REEP1: variants seen among roughly 807,000 people sequenced by gnomAD.
REEP1 encodes the protein receptor expression-enhancing protein 1.
A neutral mutation model predicts 40.3 loss-of-function variants in REEP1; 22 were observed. The ratio of observed to expected loss-of-function variants is 0.55; its 90% CI spans 0.39 to 0.78. The LOEUF (loss-of-function observed/expected upper bound fraction) is 0.78, where lower values mean the gene tolerates loss of function less well. Among genes scored for constraint, REEP1 ranks in the 30% least tolerant of loss-of-function variants. The pLI is 0.00. For synonymous variants in REEP1, 116 were observed against 139.2 expected (o/e 0.83, Z 1.17); for missense variants, 280 against 361.1 (o/e 0.78, Z 1.82).
intron 1 of REEP1, among the ~76,000 whole-genome samples, chr2:86,332,546 C>G (rs988547425): frequency 1.3e-5 from 2 of 151,914 alleles, no homozygotes; most frequent in Non-Finnish European, 2.9e-5. Context: ...CCTGAGTCCC[C>G]CTTCCCTCAT....
intron 2 of REEP1, among the ~76,000 whole-genome samples, chr2:86,268,562 G>C (rs368537062): frequency 1.1e-3 from 166 of 152,236 alleles, no homozygotes; most frequent in Middle Eastern, 6.8e-3. Flanking sequence ...TTCCCAACTT[G>C]ATCTATAGAT....
chr2:86,292,271 A>C (rs999190566), intron 1 of REEP1, among the ~76,000 whole-genome samples: 4 of 152,160 alleles, frequency 2.6e-5, no homozygotes, highest in Non-Finnish European at 4.4e-5. Flanking sequence ...TACCAGAGAC[A>C]CTCTAGATGA....
At chr2:86,335,345 A>G (rs1573075967) in intron 1 of REEP1, among the ~76,000 whole-genome samples, 1 of 147,472 alleles carries the variant, frequency 6.8e-6, no homozygotes, top group Admixed American at 6.6e-5. Context: ...GGACTGGGGG[A>G]TAAGTGGTAT....
chr2:86,215,023 C>CTTTTTTTT lies in REEP1; in HGVS notation c.*2008_*2015dup, dbSNP rs11350708. On this transcript the variant is annotated 3_prime_UTR_variant, in exon 9 of 9. Transcript: ENST00000538924. ...AAAAATTGCTAAGAAGCTGTGTAAG[C>CTTTTTTTT]TTTTTTTTTTTTTTTTTTTTTTTGC... 14 of 59,572 alleles carry CTTTTTTTT rather than the reference C, an allele frequency of 2.4e-4. No homozygotes were observed. Among genetic ancestry groups the CTTTTTTTT allele is most frequent in the South Asian group, 9.6e-4 (1 of 1,040 alleles). 3.7% of individuals were successfully genotyped at this position (59,572 alleles called of 1,614,324 possible).
chr2:86,273,423 A>G (rs551663060), intron 2 of REEP1, among the ~76,000 whole-genome samples: 1 of 151,896 alleles, frequency 6.6e-6, no homozygotes. Flanking sequence ...AGCTGGGACT[A>G]TAGGTGCATG....
At chr2:86,309,847 A>G (rs1169274806) in intron 1 of REEP1, among the ~76,000 whole-genome samples, 1 of 152,162 alleles carries the variant, frequency 6.6e-6, no homozygotes, top group African/African-American at 2.4e-5. Context: ...ACTTCAAAAT[A>G]CGAATTTGGG....
chr2:86,231,752 C>A (rs184461763), intron 6 of REEP1, among the ~76,000 whole-genome samples: 15 of 152,090 alleles, frequency 9.9e-5, no homozygotes, highest in Non-Finnish European at 1.3e-4. Flanking sequence ...GCCCCTGAGA[C>A]CCAAGGCCCC....
chr2:86,300,179 T>G (rs1679191748), intron 1 of REEP1, among the ~76,000 whole-genome samples: 1 of 152,220 alleles, frequency 6.6e-6, no homozygotes, highest in African/African-American at 2.4e-5. Flanking sequence ...CTCTTTGTTT[T>G]ACTGACTTAA....
intron 3 of REEP1, among the ~76,000 whole-genome samples, chr2:86,257,197 A>G (rs1353902702): frequency 6.6e-6 from 1 of 152,202 alleles, no homozygotes; most frequent in Admixed American, 6.5e-5. Context: ...ACAAGTATTC[A>G]CCAGCCCCAA....
intron 2 of REEP1, among the ~76,000 whole-genome samples, chr2:86,276,276 T>C (rs1033025495): frequency 6.6e-6 from 1 of 152,230 alleles, no homozygotes; most frequent in Non-Finnish European, 1.5e-5. Context: ...GGAAGCAGGT[T>C]CATTCCACCA....
At chr2:86,295,710 T>C (rs2104442190) in intron 1 of REEP1, among the ~76,000 whole-genome samples, 2 of 152,100 alleles carry the variant, frequency 1.3e-5, no homozygotes, top group Middle Eastern at 6.8e-3. Context: ...CAGCTAATTT[T>C]TTGTGTTTTT....
chr2:86,244,323 T>C (rs965030815), intron 5 of REEP1, among the ~76,000 whole-genome samples: 17 of 152,268 alleles, frequency 1.1e-4, no homozygotes, highest in African/African-American at 4.1e-4. Flanking sequence ...CTTTTTTTTT[T>C]CTATTGTGCT....
chr2:86,268,234 C>T lies in REEP1; in HGVS notation c.106-4193G>A, dbSNP rs553905362. ...TCCTCATAGATGGTGTAACTGTCTA[C>T]GTAGAAAATCCCAAGGAACTCACCA... On this transcript the variant is annotated intron_variant, in intron 2 of 8. Coordinates refer to ENST00000538924, the MANE Select transcript of REEP1 (RefSeq NM_001371279.1). Among the ~76,000 whole-genome samples, 40 of 152,096 alleles carry T rather than the reference C, an allele frequency of 2.6e-4. No homozygotes were observed. In the South Asian group the frequency reaches 6.6e-3, roughly 25 times the overall value.
intron 1 of REEP1, among the ~76,000 whole-genome samples, chr2:86,309,017 T>G (rs549692723): frequency 6.6e-6 from 1 of 152,318 alleles, no homozygotes; most frequent in East Asian, 1.9e-4. Flanking sequence ...CACACTGTCA[T>G]GAATTTGTTT....
intron 5 of REEP1, among the ~76,000 whole-genome samples, chr2:86,237,518 CTGTTGT>C (rs920844163): frequency 2.6e-5 from 4 of 151,600 alleles, no homozygotes; most frequent in Non-Finnish European, 5.9e-5. Context: ...TTTGTTTTTT[CTGTTGT>C]TGTTGTTGTT....
At chr2:86,299,426 G>C (rs1373930385) in intron 1 of REEP1, among the ~76,000 whole-genome samples, 1 of 152,166 alleles carries the variant, frequency 6.6e-6, no homozygotes. Context: ...TCCTCTCAGA[G>C]CAAAACAGCC....
At chr2:86,234,509 C>T (rs1486912955) in intron 5 of REEP1, among the ~76,000 whole-genome samples, 2 of 151,908 alleles carry the variant, frequency 1.3e-5, no homozygotes, top group Non-Finnish European at 2.9e-5. Flanking sequence ...CAGAGTGAGG[C>T]CCTGTCTCAA....
At chr2:86,237,137 C>T (rs1008851696) in intron 5 of REEP1, among the ~76,000 whole-genome samples, 32 of 152,232 alleles carry the variant, frequency 2.1e-4, no homozygotes, top group African/African-American at 6.0e-4. Context: ...CATAGATATA[C>T]TTGGTTGTTA....
At chr2:86,266,792 G>A (rs1677165728) in intron 2 of REEP1, among the ~76,000 whole-genome samples, 1 of 151,484 alleles carries the variant, frequency 6.6e-6, no homozygotes, top group East Asian at 2.0e-4. Context: ...TGGATCACGA[G>A]GTCAGGAGAT....
Sources: allele counts gnomAD v4.1 joint callset (sites outside exome capture counted in the v4.1 genomes callset), GRCh38; gene constraint gnomAD v4.1.1; transcripts MANE v1.5; gene names NCBI Gene and HGNC (gene_info 2026-07-23, HGNC 2026-07-21).